Variants in PCDH11X observed in about 807,000 individuals in gnomAD.
PCDH11X encodes the protein protocadherin 11 X-linked.
Under a neutral mutation model 53.3 loss-of-function variants are expected in PCDH11X, and 18 were observed. That is an observed-to-expected ratio of 0.34 (90% confidence interval 0.23 to 0.50). The LOEUF is 0.50. PCDH11X is among the 20% of genes least tolerant of loss of function. The pLI is 0.98. For missense variants in PCDH11X, 570 were observed against 1,032.4 expected (o/e 0.55, Z 6.14); for synonymous variants, 279 against 393.3 (o/e 0.71, Z 3.44).
intron 10 of PCDH11X, among the ~76,000 whole-genome samples, chrX:92,560,028 G>A (rs931138693): frequency 5.4e-5 from 6 of 111,221 alleles, no homozygotes; most frequent in South Asian, 3.8e-4. Flanking sequence ...AGTGCAGCTC[G>A]CAACAATAAA....
chrX:92,070,959 G>A (rs1200752660), intron 6 of PCDH11X, among the ~76,000 whole-genome samples: 1 of 92,701 alleles, frequency 1.1e-5, no homozygotes, highest in Non-Finnish European at 2.0e-5. Flanking sequence ...GCCACCACAC[G>A]CAGCTAATTT....
At chrX:92,045,896 G>A (rs777403762) in intron 6 of PCDH11X, among the ~76,000 whole-genome samples, 1 of 106,517 alleles carries the variant, frequency 9.4e-6, no homozygotes, top group East Asian at 3.1e-4. Context: ...CCAAGACTGT[G>A]CCACTGCACT....
intron 6 of PCDH11X, among the ~76,000 whole-genome samples, chrX:91,894,479 G>T (rs1940655576): frequency 8.9e-6 from 1 of 111,756 alleles, no homozygotes. Context: ...TTTTCTTGAA[G>T]TGCTTCCATC....
intron 6 of PCDH11X, among the ~76,000 whole-genome samples, chrX:92,068,560 G>T (rs1315690838): frequency 9.1e-6 from 1 of 110,139 alleles, no homozygotes; most frequent in African/African-American, 3.3e-5. Context: ...TTATTATTAA[G>T]ATGGAGTCTC....
chrX:91,980,794 T>C (rs1256699746), intron 6 of PCDH11X, among the ~76,000 whole-genome samples: 5 of 109,264 alleles, frequency 4.6e-5, no homozygotes, highest in Admixed American at 4.0e-4. Context: ...ATGTAACACA[T>C]ATCAAATTAT....
intron 10 of PCDH11X, among the ~76,000 whole-genome samples, chrX:92,525,631 C>CAAA (rs60062573): frequency 2.0e-4 from 10 of 49,067 alleles, no homozygotes; most frequent in African/African-American, 6.6e-4. Context: ...AACTCTTTCT[C>CAAA]AAAAAAAAAA....
intron 10 of PCDH11X, among the ~76,000 whole-genome samples, chrX:92,523,739 G>A (rs779033980): frequency 8.9e-6 from 1 of 111,832 alleles, no homozygotes; most frequent in East Asian, 2.8e-4. Flanking sequence ...TTTTGCAGCA[G>A]TGAATCAGTA....
At chrX:92,446,327 T>C (rs2072644266) in intron 9 of PCDH11X, among the ~76,000 whole-genome samples, 1 of 110,826 alleles carries the variant, frequency 9.0e-6, no homozygotes, top group Non-Finnish European at 1.9e-5. Flanking sequence ...GCCTTGAATA[T>C]GTTATATGCA....
At chrX:92,545,840 C>G (rs2074844697) in intron 10 of PCDH11X, among the ~76,000 whole-genome samples, 1 of 109,191 alleles carries the variant, frequency 9.2e-6, no homozygotes, top group South Asian at 3.9e-4. Flanking sequence ...GTGATTACAT[C>G]CAACATTTCA....
intron 8 of PCDH11X, among the ~76,000 whole-genome samples, chrX:92,268,961 G>A (rs944993338): frequency 1.8e-5 from 2 of 112,113 alleles, no homozygotes; most frequent in Non-Finnish European, 3.8e-5. Context: ...TTACATCTTT[G>A]TATACTACAT....
chrX:92,077,864 C>T (rs2063799187), intron 6 of PCDH11X, among the ~76,000 whole-genome samples: 1 of 109,704 alleles, frequency 9.1e-6, no homozygotes, highest in African/African-American at 3.3e-5. Context: ...TATTTTTGAC[C>T]TCCCAAAACT....
intron 10 of PCDH11X, among the ~76,000 whole-genome samples, chrX:92,603,013 TAAGTA>T (rs1039424144): frequency 9.7e-6 from 1 of 102,604 alleles, no homozygotes; most frequent in Non-Finnish European, 2.0e-5. Context: ...TCTGCTTAAA[TAAGTA>T]AAGGAAGGTA....
intron 9 of PCDH11X, among the ~76,000 whole-genome samples, chrX:92,392,165 T>C (rs2071143018): frequency 9.0e-6 from 1 of 110,952 alleles, no homozygotes; most frequent in Non-Finnish European, 1.9e-5. Flanking sequence ...TTCTTCATCT[T>C]CCCCCAAAAA....
intron 4 of PCDH11X, among the ~76,000 whole-genome samples, chrX:91,814,391 C>T (rs1936390239): frequency 9.1e-6 from 1 of 109,562 alleles, no homozygotes; most frequent in African/African-American, 3.3e-5. Context: ...AAAATATTAC[C>T]AAACATACCT....
At chrX:92,055,804 T>C (rs1350075899) in intron 6 of PCDH11X, among the ~76,000 whole-genome samples, 3 of 110,890 alleles carry the variant, frequency 2.7e-5, no homozygotes, top group Admixed American at 9.7e-5. Flanking sequence ...GACCATGCAG[T>C]ATTTGGTTTT....
intron 6 of PCDH11X, among the ~76,000 whole-genome samples, chrX:92,009,098 A>T (rs1874340374): frequency 8.9e-6 from 1 of 112,453 alleles, no homozygotes; most frequent in African/African-American, 3.2e-5. Flanking sequence ...AAATCAGCAA[A>T]ATTTTATGTG....
chrX:92,373,834 A>T (rs1175562119), intron 8 of PCDH11X, among the ~76,000 whole-genome samples: 1 of 111,794 alleles, frequency 8.9e-6, no homozygotes, highest in Non-Finnish European at 1.9e-5. Flanking sequence ...GAATTAACTG[A>T]TTTTTTAAAC....
At position 92,208,988 on chromosome X, in the gene PCDH11X, G is replaced by A. The variant is rs553834523; in HGVS notation, c.3114+7533G>A. ...ATGCACTTTCAAACAACCAGGTCTC[G>A]TGAGAACTCACTCACTATCATAAGA... On this transcript the variant is annotated intron_variant, in intron 7 of 10. Transcript: ENST00000682573. Among the ~76,000 whole-genome samples the A allele has an allele frequency of 6.1e-4, 67 of 110,662 alleles. 1 individual carries two copies. The South Asian group carries it at 0.023, about 39-fold the overall frequency.
intron 6 of PCDH11X, among the ~76,000 whole-genome samples, chrX:92,081,010 A>C (rs2148100097): frequency 9.0e-6 from 1 of 110,810 alleles, no homozygotes; most frequent in African/African-American, 3.3e-5. Context: ...AAACAGAATG[A>C]AAGTCAGACC....
Sources: gnomAD v4.1 joint callset for allele counts (sites outside exome capture counted in the v4.1 genomes callset) on GRCh38, gnomAD v4.1.1 for gene constraint, MANE v1.5 for transcripts, NCBI Gene and HGNC (gene_info 2026-07-23, HGNC 2026-07-21) for gene names.